The following ZBTB2 variants were observed in gnomAD, a reference collection of about 807,000 sequenced individuals.
ZBTB2 encodes zinc finger and BTB domain containing 2.
Under a neutral mutation model 39.5 loss-of-function variants are expected in ZBTB2, and 2 were observed. That is an observed-to-expected ratio of 0.05 (90% CI 0.02 to 0.16). The LOEUF (loss-of-function observed/expected upper bound fraction) is 0.16, where lower values mean the gene tolerates loss of function less well. ZBTB2 is among the 10% of genes least tolerant of loss of function. The pLI is 1.00. For missense variants in ZBTB2, 391 were observed against 653.0 expected (o/e 0.60, Z 4.37); for synonymous variants, 251 against 256.6 (o/e 0.98, Z 0.21).
rs780249186 is a variant in ZBTB2 at position 151,366,205 on chromosome 6, T to C, written c.861A>G (p.Gly287=). Residue 287 remains glycine, a synonymous_variant, in exon 3 of 3, where the codon GGA becomes GGG. Coordinates refer to ENST00000325144, the MANE Select transcript of ZBTB2 (RefSeq NM_020861.3). The surrounding 1 kb of genome is among the most constrained non-coding windows in gnomAD (Gnocchi z 7.1). ...AGAGAGTCAGGGGGACGCGACTTTC[T>C]CCCTGTTGGCTAGATGTGAAAGGTA... ...TGVPFTSSQQ[G]ESRVPLTLCS... is the part of the protein sequence containing the mutation. The C allele has an allele frequency of 2.1e-5, 34 of 1,613,968 alleles. No individual in the cohort carries two copies. The highest frequency in any genetic ancestry group is 1.5e-5 in the Non-Finnish European group (18 of 1,180,022).
intron 1 of ZBTB2, among the ~76,000 whole-genome samples, chr6:151,390,704 G>A (rs1421225017): frequency 1.3e-5 from 2 of 151,840 alleles, no homozygotes; most frequent in African/African-American, 4.8e-5. Context: ...AGCCGCTGCA[G>A]CTGGGAGAAG....
chr6:151,381,659 C>A (rs1039073807), intron 1 of ZBTB2, among the ~76,000 whole-genome samples: 2 of 152,250 alleles, frequency 1.3e-5, no homozygotes, highest in Admixed American at 1.3e-4. Flanking sequence ...TAGTTGCTTA[C>A]TCTGCATCCC....
At chr6:151,372,977 AC>A (rs1441601610) in intron 2 of ZBTB2, among the ~76,000 whole-genome samples, 1 of 151,764 alleles carries the variant, frequency 6.6e-6, no homozygotes, top group Non-Finnish European at 1.5e-5. Context: ...ACACAGTGAA[AC>A]CCCGTCTCTA....
Position 151,368,356 on chromosome 6 carries a change from A to G in ZBTB2, c.174-1464T>C, listed in dbSNP as rs1285134289. Among the ~76,000 whole-genome samples, 12 of 152,100 alleles carry G rather than the reference A, an allele frequency of 7.9e-5. 1 individual carries two copies. The highest frequency in any genetic ancestry group is 7.9e-4 in the Admixed American group (12 of 15,270). On this transcript the variant is annotated intron_variant, in intron 2 of 2. Coordinates refer to ENST00000325144, the MANE Select transcript of ZBTB2 (RefSeq NM_020861.3). The stretch of plus-strand genomic sequence containing the variant: ...AGTAGAGACGGGGTTTCACCATGTT[A>G]GCCAGGATGGTCTTGATCTGCTGAA...
chr6:151,388,698 C>A (rs149963235), intron 1 of ZBTB2, among the ~76,000 whole-genome samples: 1 of 152,112 alleles, frequency 6.6e-6, no homozygotes, highest in Non-Finnish European at 1.5e-5. Flanking sequence ...TTTATATTAT[C>A]TTATAAAAGT....
chr6:151,376,225 CAAAACTAT>C (rs1300306487), intron 1 of ZBTB2, among the ~76,000 whole-genome samples: 1 of 151,998 alleles, frequency 6.6e-6, no homozygotes, highest in African/African-American at 2.4e-5. Context: ...ATGTAAAACA[CAAAACTAT>C]AAAACTTTTG....
intron 1 of ZBTB2, among the ~76,000 whole-genome samples, chr6:151,387,884 GCTA>G (rs560495142): frequency 7.4e-4 from 112 of 152,186 alleles, no homozygotes; most frequent in African/African-American, 2.4e-3. Flanking sequence ...GGGTTCTGTG[GCTA>G]CTGATTCCAT....
At position 151,366,079 on chromosome 6, in the gene ZBTB2, G is replaced by C; in HGVS notation, c.987C>G (p.Ile329Met). Reference sequence around the variant, plus strand: ...GGGTTTCCGACTGCTGCTGCCCATCGATGATGGGAGAATCAGAGATGTGCT... The same window carrying C: ...GGGTTTCCGACTGCTGCTGCCCATCCATGATGGGAGAATCAGAGATGTGCT... ...ELQHISDSPIIDGQQQSETPP... is the reference protein window; with the variant it reads ...ELQHISDSPIMDGQQQSETPP... Residue 329 changes from isoleucine to methionine, a missense_variant, in exon 3 of 3, where the codon ATC (isoleucine) becomes ATG (methionine). Physicochemically the swap from Ile to Met is conservative, Grantham distance 10. Around this residue, in one of 7 missense-constraint regions of ZBTB2, gnomAD observed 80 missense variants for 125.2 expected, o/e 0.64. Transcript: ENST00000325144. The surrounding 1 kb of genome is among the most constrained non-coding windows in gnomAD (Gnocchi z 7.1). The C allele has an allele frequency of 6.2e-7, 1 of 1,614,122 alleles. No homozygotes were observed. The highest frequency in any genetic ancestry group is 1.1e-5 in the South Asian group (1 of 91,086).
intron 1 of ZBTB2, among the ~76,000 whole-genome samples, chr6:151,377,128 T>G (rs982741582): frequency 1.3e-5 from 2 of 150,054 alleles, no homozygotes; most frequent in South Asian, 4.2e-4. Context: ...GTGTGAAAAT[T>G]ATGGAAAGGG....
chr6:151,379,637 G>GAAAAAAAAAAAAA (rs61085296), intron 1 of ZBTB2, among the ~76,000 whole-genome samples: 4 of 65,922 alleles, frequency 6.1e-5, no homozygotes, highest in East Asian at 4.3e-4. Context: ...GACCCTGTCT[G>GAAAAAAAAAAAAA]AAAAAAAAAA....
At chr6:151,391,557 CGCGGCG>C (rs531722252) in exon 1 of ZBTB2, 1,371 of 153,764 alleles carry the variant, frequency 8.9e-3, 9 homozygotes, top group Non-Finnish European at 0.013. Flanking sequence ...GTGTCTCCGG[CGCGGCG>C]GCGGCGGCGG....
intron 1 of ZBTB2, among the ~76,000 whole-genome samples, chr6:151,390,203 C>G (rs532383354): frequency 6.6e-6 from 1 of 151,724 alleles, no homozygotes; most frequent in Non-Finnish European, 1.5e-5. Flanking sequence ...AGCGAGCAGG[C>G]GACAAGGGCG....
At chr6:151,376,902 T>C (rs1011165059) in intron 1 of ZBTB2, among the ~76,000 whole-genome samples, 7 of 152,214 alleles carry the variant, frequency 4.6e-5, no homozygotes, top group Admixed American at 3.9e-4. Context: ...GGAATGTCCA[T>C]AGCAGCTTAA....
intron 1 of ZBTB2, among the ~76,000 whole-genome samples, chr6:151,390,480 A>ACAATGC (rs1383568881): frequency 5.8e-4 from 87 of 148,878 alleles, no homozygotes; most frequent in African/African-American, 2.1e-3. Context: ...GGAGTTTAAC[A>ACAATGC]CAATGCCGAC....
chr6:151,375,030 G>A (rs909672876), intron 1 of ZBTB2, among the ~76,000 whole-genome samples: 1 of 151,528 alleles, frequency 6.6e-6, no homozygotes, highest in African/African-American at 2.4e-5. Flanking sequence ...TGAGGCAGGA[G>A]AATGGCATGA....
chr6:151,382,341 C>T (rs1271560722), intron 1 of ZBTB2, among the ~76,000 whole-genome samples: 4 of 149,736 alleles, frequency 2.7e-5, no homozygotes, highest in South Asian at 2.1e-4. Flanking sequence ...CCACAACCTC[C>T]GCCTCCCGGG....
intron 1 of ZBTB2, among the ~76,000 whole-genome samples, chr6:151,391,169 A>AGCCGCC (rs1403330070): frequency 3.3e-5 from 5 of 149,488 alleles, no homozygotes; most frequent in Non-Finnish European, 7.4e-5. Context: ...CGCCAGGCGC[A>AGCCGCC]GCCGCCGCCG....
intron 2 of ZBTB2, among the ~76,000 whole-genome samples, chr6:151,367,899 C>T (rs962009223): frequency 6.6e-6 from 1 of 152,192 alleles, no homozygotes; most frequent in Non-Finnish European, 1.5e-5. Context: ...TTCCCAAGAA[C>T]TCTTCCCAGA....
intron 1 of ZBTB2, among the ~76,000 whole-genome samples, chr6:151,375,913 C>G (rs528267419): frequency 3.1e-4 from 47 of 152,282 alleles, no homozygotes; most frequent in Non-Finnish European, 6.0e-4. Context: ...AGAAACCAGT[C>G]TACCCAATTT....
Sources: allele counts gnomAD v4.1 joint callset (sites outside exome capture counted in the v4.1 genomes callset), GRCh38; gene constraint gnomAD v4.1.1; regional missense constraint gnomAD v4.1.1; non-coding constraint Gnocchi (gnomAD v3.1); transcripts MANE v1.5; gene names NCBI Gene and HGNC (gene_info 2026-07-23, HGNC 2026-07-21).